The following DLEC1 variants were observed in gnomAD, a reference collection of about 807,000 sequenced individuals.
DLEC1 encodes deleted in lung and esophageal cancer protein 1.
DLEC1 carries 146 observed loss-of-function variants against 198.1 expected under a neutral mutation model. The ratio of observed to expected loss-of-function variants is 0.74; its 90% CI spans 0.64 to 0.85. The LOEUF is 0.85. Among genes scored for constraint, DLEC1 ranks in the 40% least tolerant of loss-of-function variants. DLEC1 has a pLI of 0.00. For missense variants in DLEC1, 2,233 were observed against 2,220.0 expected (o/e 1.01, Z -0.12); for synonymous variants, 897 against 866.8 (o/e 1.03, Z -0.61).
chr3:38,051,244 A>G (rs550858275), intron 2 of DLEC1, among the ~76,000 whole-genome samples: 2 of 152,340 alleles, frequency 1.3e-5, no homozygotes, highest in South Asian at 4.1e-4. Flanking sequence ...AGCAAACAAC[A>G]AAGTTTGAAA....
At position 38,122,833 on chromosome 3, in the gene DLEC1, TA is replaced by T; in HGVS notation, c.*424del. The T allele has an allele frequency of 1.2e-6, 1 of 826,954 alleles. No homozygotes were observed. Among genetic ancestry groups the T allele is most frequent in the Non-Finnish European group, 1.8e-6 (1 of 546,938 alleles). The allele number at this position is 826,954 out of a possible 1,614,324, so 51.2% of individuals were successfully genotyped here. A position where few individuals can be genotyped will look rare whatever the true frequency, so the allele number is the denominator to read the frequency against. ...CCAGGCTGCTTTTATCTTGCACAGC[TA>T]AAGAGGGTCTGATGGGTGGCTCAAC... On this transcript the variant is annotated 3_prime_UTR_variant, in exon 37 of 37. Coordinates refer to ENST00000308059, the MANE Select transcript of DLEC1 (RefSeq NM_007335.4).
chr3:38,122,885 AT>A lies in DLEC1; in HGVS notation c.*474del, dbSNP rs764462331. The A allele has an allele frequency of 8.8e-4, 699 of 796,954 alleles. 2 individuals carry two copies. The highest frequency in any genetic ancestry group is 1.2e-3 in the Non-Finnish European group (583 of 501,740). The allele number at this position is 796,954 out of a possible 1,614,324, so 49.4% of individuals were successfully genotyped here. On this transcript the variant is annotated 3_prime_UTR_variant, in exon 37 of 37. Coordinates refer to ENST00000308059, the MANE Select transcript of DLEC1 (RefSeq NM_007335.4). Reference sequence around the variant, plus strand: ...ACCCCACCCACTCCTATACCATGTCATCAGTGTTCACATTTTCCAAATGAGT... The same window carrying A: ...ACCCCACCCACTCCTATACCATGTCACAGTGTTCACATTTTCCAAATGAGT...
At chr3:38,048,866 C>T (rs1175547795) in intron 2 of DLEC1, among the ~76,000 whole-genome samples, 3 of 152,058 alleles carry the variant, frequency 2.0e-5, no homozygotes, top group East Asian at 1.9e-4. Flanking sequence ...CTTCCTGTTT[C>T]CCCCTCCACC....
chr3:38,052,882 C>T (rs912084166), intron 2 of DLEC1, among the ~76,000 whole-genome samples: 65 of 152,210 alleles, frequency 4.3e-4, no homozygotes, highest in African/African-American at 1.4e-3. Context: ...CTCACTGCAA[C>T]CTCCCTGCCT....
chr3:38,097,205 C>T lies in DLEC1; in HGVS notation c.2364C>T (p.Pro788=), dbSNP rs767092331. 1.3e-6 allele frequency: 2 copies of T among 1,581,292 alleles called. No homozygotes were observed. Among genetic ancestry groups the T allele is most frequent in the East Asian group, 2.3e-5 (1 of 43,316 alleles). Residue 788 remains proline (P), a synonymous_variant, in exon 16 of 37, where the codon CCC becomes CCT. Coordinates refer to ENST00000308059, the MANE Select transcript of DLEC1 (RefSeq NM_007335.4). ...AGATGTGGAACAACAGCAAGTCACC[C>T]ATCAGATACCTGTGGGGGAAGATCA... ...AFKMWNNSKS[P]IRYLWGKISD... is the part of the protein sequence containing the mutation.
At chr3:38,093,541 G>T in intron 11 of DLEC1, 64 bp from the exon 12 acceptor site, 1 of 1,595,090 alleles carries the variant, frequency 6.3e-7, no homozygotes, top group Non-Finnish European at 8.6e-7. Context: ...GGGTCCTGCA[G>T]CAGCCTTGGC....
In DLEC1 at chr3:38,062,632, C is replaced by G; in HGVS notation, c.925C>G (p.Gln309Glu). The G allele has an allele frequency of 1.2e-6, 2 of 1,614,172 alleles. No individual in the cohort carries two copies. The highest frequency in any genetic ancestry group is 1.1e-5 in the South Asian group (1 of 91,090). The change falls in exon 5 of 37, where the codon CAG becomes GAG. Residue 309 changes from glutamine (Q) to glutamate (E), a missense_variant. Coordinates refer to ENST00000308059, the MANE Select transcript of DLEC1 (RefSeq NM_007335.4). ...CTGGATGAACCACTTACGTGTGCCACAGAGAGAGCTAGACAGACTTCTGCT... is the reference window on the plus strand; with the variant it reads ...CTGGATGAACCACTTACGTGTGCCAGAGAGAGAGCTAGACAGACTTCTGCT... Reference protein sequence around the residue: ...KNWMNHLRVPQRELDRLLLAR... With the variant: ...KNWMNHLRVPERELDRLLLAR...
chr3:38,059,883 T>G, intron 3 of DLEC1, 31 bp downstream of exon 3: 1 of 1,595,868 alleles, frequency 6.3e-7, no homozygotes, highest in Non-Finnish European at 8.6e-7. Context: ...AGGCCTCTGA[T>G]ACCATTTGGG....
intron 33 of DLEC1, among the ~76,000 whole-genome samples, chr3:38,120,019 A>G (rs969671885): frequency 2.0e-5 from 3 of 152,304 alleles, no homozygotes; most frequent in Admixed American, 6.5e-5. Flanking sequence ...GTCCAGCCTC[A>G]GTTACAGCCT....
chr3:38,100,130 G>A (rs1036612404), intron 18 of DLEC1, among the ~76,000 whole-genome samples, 156 bp from the exon 19 acceptor site: 1 of 152,218 alleles, frequency 6.6e-6, no homozygotes, highest in African/African-American at 2.4e-5. Context: ...TTGTGGCTGT[G>A]GTCCCCCACC....
At position 38,039,386 on chromosome 3, in the gene DLEC1, C is replaced by T; in HGVS notation, c.161C>T (p.Ala54Val). 1 of 1,614,200 alleles carries T rather than the reference C, an allele frequency of 6.2e-7. No individual in the cohort carries two copies. The highest frequency in any genetic ancestry group is 8.5e-7 in the Non-Finnish European group (1 of 1,180,012). ...TATTCCTCCCTCGCCTACTCTGAGG[C>T]CTTCCACTACAGCTTCGCAGCCCGG... ...SLYSSLAYSE[A>V]FHYSFAARPR... is the part of the protein sequence containing the mutation. The change falls in exon 1 of 37, where the codon GCC (alanine) becomes GTC (valine). Residue 54 changes from alanine to valine, a missense_variant. Physicochemically the swap from Ala to Val is moderately conservative, Grantham distance 64 (BLOSUM62 0). Coordinates refer to ENST00000308059, the MANE Select transcript of DLEC1 (RefSeq NM_007335.4).
Position 38,094,990 on chromosome 3 carries a change from T to C in DLEC1, c.2031T>C (p.Thr677=). 6.2e-7 allele frequency: 1 copy of C among 1,614,232 alleles called. No homozygotes were observed. Among genetic ancestry groups the C allele is most frequent in the East Asian group, 2.2e-5 (1 of 44,884 alleles). ...DSIKCYPDKE[T]AFSIMPRKGV... The stretch of plus-strand genomic sequence containing the variant: ...TCAAGTGCTACCCCGACAAGGAGAC[T>C]GCCTTCTCCATCATGCCCAGAAAGG... The change falls in exon 13 of 37, where the codon ACT becomes ACC. Residue 677 remains threonine, a synonymous_variant. Coordinates refer to ENST00000308059, the MANE Select transcript of DLEC1 (RefSeq NM_007335.4).
intron 6 of DLEC1, among the ~76,000 whole-genome samples, chr3:38,066,912 C>T (rs374184977): frequency 3.3e-5 from 5 of 152,146 alleles, no homozygotes; most frequent in African/African-American, 7.2e-5. Context: ...CTGGCCATCA[C>T]GTTTTAAGGA....
chr3:38,069,491 A>G (rs1697203006), intron 6 of DLEC1, among the ~76,000 whole-genome samples: 1 of 141,410 alleles, frequency 7.1e-6, no homozygotes, highest in African/African-American at 2.9e-5. Flanking sequence ...GTAAGGAACA[A>G]CACACACACA....
intron 6 of DLEC1, among the ~76,000 whole-genome samples, chr3:38,069,689 G>A (rs766184054): frequency 8.5e-5 from 13 of 152,140 alleles, no homozygotes; most frequent in Non-Finnish European, 1.9e-4. Context: ...AGCCACCACA[G>A]CTACCATGTT....
At chr3:38,073,070 A>G (rs563541301) in intron 6 of DLEC1, among the ~76,000 whole-genome samples, 1 of 152,318 alleles carries the variant, frequency 6.6e-6, no homozygotes, top group South Asian at 2.1e-4. Context: ...GCTGGGACTG[A>G]TGGGTGACAG....
At position 38,062,156 on chromosome 3, in the gene DLEC1, C is replaced by T; in HGVS notation, c.674-13C>T. The T allele has an allele frequency of 6.2e-7, 1 of 1,614,066 alleles. No homozygotes were observed. Among genetic ancestry groups the T allele is most frequent in the Non-Finnish European group, 8.5e-7 (1 of 1,179,998 alleles). On this transcript the variant is annotated splice_polypyrimidine_tract_variant and intron_variant, in intron 3 of 36. Coordinates refer to ENST00000308059, the MANE Select transcript of DLEC1 (RefSeq NM_007335.4). Reference sequence around the variant, plus strand: ...TTGTTGCAGTGATTCAGTTTGTTTCCTTGATGCTGTAGGCATCTCCCTACC... The same window carrying T: ...TTGTTGCAGTGATTCAGTTTGTTTCTTTGATGCTGTAGGCATCTCCCTACC...
chr3:38,065,881 C>A (rs2125623617), intron 6 of DLEC1, among the ~76,000 whole-genome samples: 1 of 152,304 alleles, frequency 6.6e-6, no homozygotes, highest in African/African-American at 2.4e-5. Flanking sequence ...CCACCTCCTG[C>A]TTTTTAAAAA....
chr3:38,114,971 G>T lies in DLEC1; in HGVS notation c.3786-12G>T. The T allele has an allele frequency of 6.2e-7, 1 of 1,612,624 alleles. No individual in the cohort carries two copies. The highest frequency in any genetic ancestry group is 8.5e-7 in the Non-Finnish European group (1 of 1,179,220). On this transcript the variant is annotated splice_polypyrimidine_tract_variant and intron_variant, in intron 26 of 36. Coordinates refer to ENST00000308059, the MANE Select transcript of DLEC1 (RefSeq NM_007335.4). ...GCTGTGGCTGTACTGAGTCCAGTCT[G>T]TCCCCCTCCAGGTTCGGCACCCAGG... is the stretch of plus-strand genomic sequence containing the variant.
Sources: gnomAD v4.1 joint callset for allele counts (sites outside exome capture counted in the v4.1 genomes callset) on GRCh38, gnomAD v4.1.1 for gene constraint, MANE v1.5 for transcripts, NCBI Gene and HGNC (gene_info 2026-07-23, HGNC 2026-07-21) for gene names.